DCAF17: variants seen among roughly 807,000 people sequenced by gnomAD.
DCAF17 encodes the protein DDB1- and CUL4-associated factor 17.
DCAF17 carries 48 observed loss-of-function variants against 66.0 expected under a neutral mutation model. That is an observed-to-expected ratio of 0.73 (90% confidence interval 0.58 to 0.92). DCAF17 has a LOEUF of 0.92. Among genes scored for constraint, DCAF17 ranks in the 40% least tolerant of loss-of-function variants. The pLI is 0.00. For missense variants in DCAF17, 562 were observed against 622.8 expected, an observed-to-expected ratio of 0.90 and a Z score of 1.04; for synonymous variants, 206 against 214.6, an observed-to-expected ratio of 0.96 and a Z score of 0.35.
chr2:171,442,105 A>T (rs1475599130), intron 2 of DCAF17, among the ~76,000 whole-genome samples: 1 of 152,234 alleles, frequency 6.6e-6, no homozygotes, highest in African/African-American at 2.4e-5. Context: ...ATGGTGTTTT[A>T]TCCACAGGTT....
Position 171,458,015 on chromosome 2 carries a change from G to A in DCAF17, c.672G>A (p.Leu224=). The change falls in exon 7 of 14, where the codon CTG becomes CTA. Residue 224 remains leucine (L), a synonymous_variant. Transcript: ENST00000375255. ...ATGCTACCTTGTCTCATGGAATACT[G>A]ATTGTGATGTACAGCTCAGGACTGG... The part of the protein sequence containing the change: ...VTDATLSHGI[L]IVMYSSGLVR... 6.2e-7 allele frequency: 1 copy of A among 1,614,078 alleles called. No homozygotes were observed. The highest frequency in any genetic ancestry group is 8.5e-7 in the Non-Finnish European group (1 of 1,179,984).
chr2:171,435,109 G>A lies in DCAF17; in HGVS notation c.153G>A (p.Trp51Ter), dbSNP rs1693772726. The change falls in exon 2 of 14, where the codon TGG becomes TGA. Residue 51 changes from tryptophan to a stop codon, truncating the protein, a stop_gained. Coordinates refer to ENST00000375255, the MANE Select transcript of DCAF17 (RefSeq NM_025000.4). LOFTEE classifies it high-confidence loss of function. The part of the protein sequence containing the change: ...CQESTKFKNV[W>*]TTHSRSPIAY... ...AAAGTACTAAATTTAAGAATGTCTG[G>A]ACAACTCATTCCAGGTCACCTATAG... is the stretch of plus-strand genomic sequence containing the variant. 1.2e-6 allele frequency: 2 copies of A among 1,611,864 alleles called. No homozygotes were observed. Among genetic ancestry groups the A allele is most frequent in the Non-Finnish European group, 1.7e-6 (2 of 1,178,096 alleles).
chr2:171,468,347 G>T (rs1161072883), intron 8 of DCAF17, among the ~76,000 whole-genome samples: 1 of 152,076 alleles, frequency 6.6e-6, no homozygotes, highest in Admixed American at 6.6e-5. Context: ...CCTTTCCTAA[G>T]TGGTTACATT....
Position 171,443,523 on chromosome 2 carries a change from T to C in DCAF17, c.231T>C (p.Ser77=). The C allele has an allele frequency of 6.2e-7, 1 of 1,610,678 alleles. No individual in the cohort carries two copies. Among genetic ancestry groups the C allele is most frequent in the Non-Finnish European group, 8.5e-7 (1 of 1,177,672 alleles). ...YFDNYRRCVS[S]VASEPRKLYE... is the part of the protein sequence containing the mutation. ...ATCATTTATTTTTCTTTTTTCCCAGTGTTGCATCTGAGCCAAGAAAACTTT... is the reference window on the plus strand; with the variant it reads ...ATCATTTATTTTTCTTTTTTCCCAGCGTTGCATCTGAGCCAAGAAAACTTT... The change falls in exon 3 of 14, where the codon AGT becomes AGC. Residue 77 remains serine, a splice_region_variant and synonymous_variant. Coordinates refer to ENST00000375255, the MANE Select transcript of DCAF17 (RefSeq NM_025000.4).
chr2:171,443,872 T>A (rs1694459403), intron 3 of DCAF17, among the ~76,000 whole-genome samples: 1 of 152,168 alleles, frequency 6.6e-6, no homozygotes, highest in Admixed American at 6.5e-5. Flanking sequence ...ATAAATCGAT[T>A]AAAAGTTATA....
intron 9 of DCAF17, among the ~76,000 whole-genome samples, chr2:171,473,430 C>A (rs1696351878): frequency 6.6e-6 from 1 of 151,960 alleles, no homozygotes; most frequent in African/African-American, 2.4e-5. Flanking sequence ...CATAGCGAGA[C>A]TCTATCTCTA....
At chr2:171,460,260 T>C (rs1236728229) in intron 8 of DCAF17, among the ~76,000 whole-genome samples, 4 of 149,756 alleles carry the variant, frequency 2.7e-5, no homozygotes, top group Non-Finnish European at 5.9e-5. Flanking sequence ...GAGATGGAGG[T>C]TGCAGTGAGC....
intron 6 of DCAF17, among the ~76,000 whole-genome samples, chr2:171,456,201 G>A (rs763211883): frequency 5.3e-5 from 8 of 152,186 alleles, no homozygotes; most frequent in Admixed American, 2.0e-4. Flanking sequence ...ATGGTGTAAG[G>A]AAGGGGTCGA....
In DCAF17 at chr2:171,446,904, C is replaced by T. The variant is rs1237561462; in HGVS notation, c.322-1777C>T. 2.0e-5 allele frequency among the ~76,000 whole-genome samples: 3 copies of T among 152,138 alleles called. No homozygotes were observed. The East Asian group carries it at 5.8e-4, about 29-fold the overall frequency. On this transcript the variant is annotated intron_variant, in intron 3 of 13. Transcript: ENST00000375255. ...AAAATATAACAAAAAAGCCTAATTT[C>T]AAAAAACTATTTGAGATCAAGGGAC...
At chr2:171,448,940 A>G (rs915166101) in intron 4 of DCAF17, 123 bp downstream of exon 4, 1 of 859,284 alleles carries the variant, frequency 1.2e-6, no homozygotes, top group Admixed American at 2.3e-5. Flanking sequence ...CAATTAATAA[A>G]CCTATTTTCT....
Position 171,482,705 on chromosome 2 carries a change from C to T in DCAF17, c.*1591C>T, listed in dbSNP as rs756656686. 3.5e-5 allele frequency: 16 copies of T among 453,120 alleles called. 1 individual carries two copies. Among genetic ancestry groups the T allele is most frequent in the South Asian group, 2.5e-4 (16 of 64,330 alleles). The allele number at this position is 453,120 out of a possible 1,614,324, so 28.1% of individuals were successfully genotyped here. Reference sequence around the variant, plus strand: ...AGGTGATTATTGAGTTTCTCCTTCTCCTTTAAGTCATCACCTTCCTTTTAT... The same window carrying T: ...AGGTGATTATTGAGTTTCTCCTTCTTCTTTAAGTCATCACCTTCCTTTTAT... On this transcript the variant is annotated 3_prime_UTR_variant, in exon 14 of 14. Coordinates refer to ENST00000375255, the MANE Select transcript of DCAF17 (RefSeq NM_025000.4).
rs887932240 is a variant in DCAF17 at position 171,484,809 on chromosome 2, C to T, written c.*3695C>T. On this transcript the variant is annotated 3_prime_UTR_variant, in exon 14 of 14. Coordinates refer to ENST00000375255, the MANE Select transcript of DCAF17 (RefSeq NM_025000.4). The stretch of plus-strand genomic sequence containing the variant: ...TCTTTTATATCAAAGGTTAAATTTA[C>T]CTGTTCTAAACTTCATATGAGTGAA... The T allele has an allele frequency of 2.2e-6, 1 of 453,928 alleles. No homozygotes were observed. Among genetic ancestry groups the T allele is most frequent in the Non-Finnish European group, 4.4e-6 (1 of 226,744 alleles). The allele number at this position is 453,928 out of a possible 1,614,324, so 28.1% of individuals were successfully genotyped here. A position where few individuals can be genotyped will look rare whatever the true frequency, so the allele number is the denominator to read the frequency against.
chr2:171,440,443 C>T lies in DCAF17; in HGVS notation c.231-3080C>T, dbSNP rs116632851. ...TATCAACATTAGCTGGGCATGGTGG[C>T]ACACACCTGTAGTCCCAGCTACCAG... On this transcript the variant is annotated intron_variant, in intron 2 of 13. Coordinates refer to ENST00000375255, the MANE Select transcript of DCAF17 (RefSeq NM_025000.4). Among the ~76,000 whole-genome samples the T allele has an allele frequency of 1.5e-3, 224 of 152,196 alleles. 4 individuals carry two copies. In the East Asian group the frequency reaches 0.016, roughly 11 times the overall value.
chr2:171,471,331 T>C (rs1467134448), intron 9 of DCAF17, among the ~76,000 whole-genome samples: 2 of 152,226 alleles, frequency 1.3e-5, no homozygotes, highest in African/African-American at 4.8e-5. Flanking sequence ...GTTTCATAGC[T>C]TTCTCTATTA....
chr2:171,477,050 C>A, intron 11 of DCAF17, 100 bp downstream of exon 11: 1 of 858,836 alleles, frequency 1.2e-6, no homozygotes, highest in Non-Finnish European at 1.9e-6. Flanking sequence ...CAGAAAACAA[C>A]AGCACAGCCC....
At chr2:171,440,268 C>CTA (rs1187650151) in intron 2 of DCAF17, among the ~76,000 whole-genome samples, 5 of 152,226 alleles carry the variant, frequency 3.3e-5, no homozygotes, top group Non-Finnish European at 4.4e-5. Flanking sequence ...TGGTTGAGGG[C>CTA]TATATATGAT....
chr2:171,475,479 G>A (rs1696453982), intron 10 of DCAF17, among the ~76,000 whole-genome samples: 1 of 152,170 alleles, frequency 6.6e-6, no homozygotes, highest in Non-Finnish European at 1.5e-5. Context: ...AATAAGAAGA[G>A]AAGGGGCTGG....
chr2:171,480,608 G>A (rs558455849), intron 13 of DCAF17, among the ~76,000 whole-genome samples: 2 of 152,268 alleles, frequency 1.3e-5, no homozygotes, highest in African/African-American at 4.8e-5. Context: ...ATTATAGAAT[G>A]TCAAAGTTGT....
chr2:171,445,699 T>C (rs1227070918), intron 3 of DCAF17, among the ~76,000 whole-genome samples: 1 of 152,230 alleles, frequency 6.6e-6, no homozygotes, highest in Non-Finnish European at 1.5e-5. Context: ...ATATATTTTT[T>C]TAAGACAGGG....
Sources: allele counts gnomAD v4.1 joint callset (sites outside exome capture counted in the v4.1 genomes callset), GRCh38; gene constraint gnomAD v4.1.1; transcripts MANE v1.5; gene names NCBI Gene and HGNC (gene_info 2026-07-23, HGNC 2026-07-21).